Variants in AP1S3 observed in about 807,000 individuals in gnomAD.
AP1S3 encodes the protein adaptor related protein complex 1 subunit sigma 3, also known as AP-1 complex subunit sigma-3.
A neutral mutation model predicts 20.9 loss-of-function variants in AP1S3; 10 were observed. That is an observed-to-expected ratio of 0.48 (90% CI 0.29 to 0.81). AP1S3 has a LOEUF of 0.81. Among genes scored for constraint, AP1S3 ranks in the 30% least tolerant of loss-of-function variants. The probability of loss-of-function intolerance (pLI) is 0.08; values close to 1 mark genes in which losing one functional copy is unlikely to be tolerated. For missense variants in AP1S3, 154 were observed against 183.8 expected (o/e 0.84, Z 0.94); for synonymous variants, 41 against 61.5 (o/e 0.67, Z 1.56).
At chr2:223,767,473 C>A (rs1469674208) in intron 3 of AP1S3, among the ~76,000 whole-genome samples, 4 of 151,898 alleles carry the variant, frequency 2.6e-5, no homozygotes, top group African/African-American at 9.7e-5. Context: ...AACATCTCTA[C>A]TGCATGTTGC....
intron 4 of AP1S3, 91 bp from the exon 5 acceptor site, chr2:223,758,841 C>A: frequency 8.7e-7 from 1 of 1,147,930 alleles, no homozygotes; most frequent in Non-Finnish European, 1.2e-6. Context: ...TATTTATTTG[C>A]CATTGTTGAA....
At chr2:223,809,878 G>A (rs186255658) in intron 1 of AP1S3, among the ~76,000 whole-genome samples, 4 of 151,374 alleles carry the variant, frequency 2.6e-5, no homozygotes, top group Admixed American at 6.6e-5. Flanking sequence ...ACAGACACAC[G>A]CCACCACGCC....
chr2:223,795,938 C>CGAGGTGGGCAGATCACCTGAGGTCAA (rs1464375389), intron 1 of AP1S3, among the ~76,000 whole-genome samples: 9 of 151,986 alleles, frequency 5.9e-5, no homozygotes, highest in Non-Finnish European at 1.3e-4. Flanking sequence ...TTTGGGTGGC[C>CGAGGTGGGCAGATCACCTGAGGTCAA]GAGGTGGGCA....
chr2:223,784,933 C>A (rs1261553022), intron 1 of AP1S3, among the ~76,000 whole-genome samples: 1 of 152,148 alleles, frequency 6.6e-6, no homozygotes, highest in Non-Finnish European at 1.5e-5. Context: ...TACTACAGTT[C>A]TTTATATTAG....
chr2:223,829,782 A>G (rs1453869670), intron 1 of AP1S3, among the ~76,000 whole-genome samples: 4 of 151,902 alleles, frequency 2.6e-5, no homozygotes, highest in African/African-American at 4.8e-5. Context: ...GGTTGCAGTG[A>G]GCTGAGATCA....
intron 4 of AP1S3, among the ~76,000 whole-genome samples, chr2:223,759,336 CAA>C (rs1690298271): frequency 6.6e-6 from 1 of 151,368 alleles, no homozygotes; most frequent in Non-Finnish European, 1.5e-5. Context: ...GCAAAGTTGC[CAA>C]GATATCACTG....
chr2:223,836,557 T>C (rs909520450), intron 1 of AP1S3, among the ~76,000 whole-genome samples: 3 of 152,094 alleles, frequency 2.0e-5, no homozygotes, highest in Admixed American at 6.5e-5. Context: ...CTGGCCAACA[T>C]GGTGAAACCC....
intron 3 of AP1S3, among the ~76,000 whole-genome samples, chr2:223,771,251 C>T (rs1441506907): frequency 3.9e-5 from 6 of 151,906 alleles, no homozygotes; most frequent in African/African-American, 7.2e-5. Context: ...GCAGGAGAAT[C>T]GTTTGAACCC....
chr2:223,770,058 A>T (rs189803495), intron 3 of AP1S3: 21,177 of 1,356,564 alleles, frequency 0.016, 212 homozygotes, highest in Middle Eastern at 0.023. Flanking sequence ...TCCTATTTTT[A>T]AAAACCGTAT....
In AP1S3 at chr2:223,795,701, G is replaced by A. The variant is rs536235380; in HGVS notation, c.4-17832C>T. Among the ~76,000 whole-genome samples, 8 of 152,292 alleles carry A rather than the reference G, an allele frequency of 5.3e-5. No individual in the cohort carries two copies. The East Asian group carries it at 1.5e-3, about 29-fold the overall frequency. ...TTTAAATCCCGGCTCTGTCATTTATGAGCTAAGTCGATGTGAAAAAGTTAC... is the reference window on the plus strand; with the variant it reads ...TTTAAATCCCGGCTCTGTCATTTATAAGCTAAGTCGATGTGAAAAAGTTAC... On this transcript the variant is annotated intron_variant, in intron 1 of 4. Coordinates refer to ENST00000396654, the MANE Select transcript of AP1S3 (RefSeq NM_001039569.2).
At chr2:223,836,319 C>T (rs1175605128) in intron 1 of AP1S3, among the ~76,000 whole-genome samples, 1 of 152,204 alleles carries the variant, frequency 6.6e-6, no homozygotes, top group Non-Finnish European at 1.5e-5. Flanking sequence ...GGAGCCTGAG[C>T]TATCGCTTCC....
At chr2:223,792,857 CT>C (rs1559135930) in intron 1 of AP1S3, among the ~76,000 whole-genome samples, 1 of 152,068 alleles carries the variant, frequency 6.6e-6, no homozygotes, top group East Asian at 1.9e-4. Context: ...CTACAAGGAA[CT>C]TAAACAAATT....
intron 1 of AP1S3, among the ~76,000 whole-genome samples, chr2:223,834,002 G>A (rs1037048164): frequency 2.4e-4 from 36 of 152,042 alleles, no homozygotes; most frequent in African/African-American, 7.0e-4. Context: ...TCCACCTCAC[G>A]GGTTCAAGCG....
chr2:223,800,223 A>G (rs965375175), intron 1 of AP1S3, among the ~76,000 whole-genome samples: 12 of 151,978 alleles, frequency 7.9e-5, no homozygotes, highest in Non-Finnish European at 1.2e-4. Context: ...TAAAAAAAAA[A>G]AAAAAAGAAA....
chr2:223,798,397 A>G (rs1443291888), intron 1 of AP1S3, among the ~76,000 whole-genome samples: 1 of 152,222 alleles, frequency 6.6e-6, no homozygotes, highest in Non-Finnish European at 1.5e-5. Flanking sequence ...CAGAGCTAGG[A>G]AGAACAGGAT....
chr2:223,833,241 A>AATAAATAAATACATAC lies in AP1S3; in HGVS notation c.3+4206_3+4207insGTATGTATTTATTTAT, dbSNP rs112316770. Among the ~76,000 whole-genome samples, 35 of 148,548 alleles carry AATAAATAAATACATAC rather than the reference A, an allele frequency of 2.4e-4. No homozygotes were observed. The East Asian group carries it at 6.4e-3, about 27-fold the overall frequency. The stretch of plus-strand genomic sequence containing the variant: ...CCCACAGCTATCTTGTTAAAGGCAA[A>AATAAATAAATACATAC]ATACATACATACATACATACATACA... On this transcript the variant is annotated intron_variant, in intron 1 of 4. Transcript: ENST00000396654.
At chr2:223,795,025 G>A (rs1024275921) in intron 1 of AP1S3, among the ~76,000 whole-genome samples, 16 of 152,292 alleles carry the variant, frequency 1.1e-4, no homozygotes, top group African/African-American at 3.8e-4. Context: ...CAAGGTGGGC[G>A]GATAACCTGA....
Position 223,778,617 on chromosome 2 carries a change from T to C in AP1S3, c.4-748A>G, listed in dbSNP as rs181045686. Among the ~76,000 whole-genome samples, 174 of 151,462 alleles carry C rather than the reference T, an allele frequency of 1.1e-3. 1 individual carries two copies. Among genetic ancestry groups the C allele is most frequent in the African/African-American group, 3.8e-3 (155 of 41,202 alleles). On this transcript the variant is annotated intron_variant, in intron 1 of 4. Transcript: ENST00000396654. ...TTTAACTATAGAAACATAATGATAATATAGAAATAAAGGGGACAAGGAAAG... is the reference window on the plus strand; with the variant it reads ...TTTAACTATAGAAACATAATGATAACATAGAAATAAAGGGGACAAGGAAAG...
chr2:223,795,365 C>G (rs768603611), intron 1 of AP1S3, among the ~76,000 whole-genome samples: 1 of 152,198 alleles, frequency 6.6e-6, no homozygotes, highest in Non-Finnish European at 1.5e-5. Flanking sequence ...ATTTGCCAGA[C>G]GGAAGTTTCC....
Sources: allele counts gnomAD v4.1 joint callset (sites outside exome capture counted in the v4.1 genomes callset), GRCh38; gene constraint gnomAD v4.1.1; transcripts MANE v1.5; gene names NCBI Gene and HGNC (gene_info 2026-07-23, HGNC 2026-07-21).